The following WDFY2 variants were observed in gnomAD, a reference collection of about 807,000 sequenced individuals.
WDFY2 encodes the protein WD repeat and FYVE domain-containing protein 2.
Under a neutral mutation model 56.4 loss-of-function variants are expected in WDFY2, and 36 were observed. The ratio of observed to expected loss-of-function variants is 0.64; its 90% CI spans 0.49 to 0.84. The LOEUF is 0.84. Among genes scored for constraint, WDFY2 ranks in the 40% least tolerant of loss-of-function variants. WDFY2 has a pLI of 0.00. For synonymous variants in WDFY2, 176 were observed against 183.7 expected, an observed-to-expected ratio of 0.96 and a Z score of 0.34; for missense variants, 444 against 512.2, an observed-to-expected ratio of 0.87 and a Z score of 1.29.
chr13:51,678,311 T>C (rs1273519503), intron 3 of WDFY2, among the ~76,000 whole-genome samples: 1 of 152,196 alleles, frequency 6.6e-6, no homozygotes, highest in Non-Finnish European at 1.5e-5. Flanking sequence ...GTAGATCTTA[T>C]TGTGGCTCCT....
intron 4 of WDFY2, among the ~76,000 whole-genome samples, chr13:51,718,683 TGAAA>T (rs1240814839): frequency 6.6e-6 from 1 of 152,158 alleles, no homozygotes; most frequent in Non-Finnish European, 1.5e-5. Flanking sequence ...ATTTAATTTC[TGAAA>T]GAAAGTGTTC....
chr13:51,603,377 C>A (rs372632420), intron 1 of WDFY2, among the ~76,000 whole-genome samples: 2 of 152,150 alleles, frequency 1.3e-5, no homozygotes, highest in Non-Finnish European at 2.9e-5. Flanking sequence ...GGGCCTGGAG[C>A]AGCAGGAGCC....
intron 1 of WDFY2, among the ~76,000 whole-genome samples, chr13:51,626,414 A>G (rs926889888): frequency 3.3e-5 from 5 of 152,220 alleles, no homozygotes; most frequent in African/African-American, 1.2e-4. Flanking sequence ...GATTATACCA[A>G]CATACACAAA....
At chr13:51,692,194 T>C (rs1259132878) in intron 3 of WDFY2, among the ~76,000 whole-genome samples, 1 of 152,164 alleles carries the variant, frequency 6.6e-6, no homozygotes, top group East Asian at 1.9e-4. Flanking sequence ...TTTCCTTCTC[T>C]TGCCTAATTG....
intron 7 of WDFY2, among the ~76,000 whole-genome samples, chr13:51,739,646 T>C (rs1248778278): frequency 2.6e-5 from 4 of 152,232 alleles, no homozygotes; most frequent in African/African-American, 9.6e-5. Context: ...TTGCCTTGAT[T>C]CATGTCAGGC....
At chr13:51,718,072 A>G (rs1252967927) in intron 4 of WDFY2, among the ~76,000 whole-genome samples, 1 of 152,146 alleles carries the variant, frequency 6.6e-6, no homozygotes, top group Non-Finnish European at 1.5e-5. Flanking sequence ...GGCAGATGGT[A>G]TTATTATTGT....
intron 1 of WDFY2, among the ~76,000 whole-genome samples, chr13:51,626,709 A>G (rs1425510131): frequency 2.0e-5 from 3 of 152,216 alleles, no homozygotes; most frequent in East Asian, 1.9e-4. Flanking sequence ...AGTGTTTCAT[A>G]TCACATTACT....
rs1265461005 is a variant in WDFY2, at chr13:51,767,069, G to A, written c.*7300G>A. The stretch of plus-strand genomic sequence containing the variant: ...CTTGTGCTTAGTAAACTTTTCCAGT[G>A]AGGAGAAATGACTTCGGGGCAAACA... On this transcript the variant is annotated 3_prime_UTR_variant, in exon 12 of 12. Coordinates refer to ENST00000298125, the MANE Select transcript of WDFY2 (RefSeq NM_052950.4). 1 of 152,290 alleles carries A rather than the reference G, an allele frequency of 6.6e-6. No homozygotes were observed. Among genetic ancestry groups the A allele is most frequent in the African/African-American group, 2.4e-5 (1 of 41,468 alleles). The allele number at this position is 152,290 out of a possible 1,614,324, so 9.4% of individuals were successfully genotyped here.
At chr13:51,751,515 C>T in intron 8 of WDFY2, 100 bp downstream of exon 8, 1 of 1,121,442 alleles carries the variant, frequency 8.9e-7, no homozygotes, top group Non-Finnish European at 1.3e-6. Flanking sequence ...TGAAATAAGG[C>T]ATGTAACGTT....
chr13:51,712,889 CTT>C (rs1952255717), intron 4 of WDFY2, among the ~76,000 whole-genome samples: 1 of 151,992 alleles, frequency 6.6e-6, no homozygotes, highest in Non-Finnish European at 1.5e-5. Context: ...TTTTAAAAAT[CTT>C]TGAAAAATAC....
chr13:51,753,993 T>C (rs1953300671), intron 8 of WDFY2, among the ~76,000 whole-genome samples: 1 of 149,832 alleles, frequency 6.7e-6, no homozygotes, highest in African/African-American at 2.5e-5. Flanking sequence ...CTCAGGAGGC[T>C]GAGGCAGGAG....
At chr13:51,611,974 G>A (rs1406661611) in intron 1 of WDFY2, among the ~76,000 whole-genome samples, 3 of 152,160 alleles carry the variant, frequency 2.0e-5, no homozygotes, top group Non-Finnish European at 4.4e-5. Context: ...TGGCAGAAAA[G>A]AAATATGGAA....
chr13:51,725,771 G>A (rs1047327798), intron 5 of WDFY2, among the ~76,000 whole-genome samples: 13 of 151,100 alleles, frequency 8.6e-5, no homozygotes, highest in Non-Finnish European at 1.6e-4. Context: ...ATGGCTCACT[G>A]CAGCTTCAAT....
rs1326747395 is a variant in WDFY2 at position 51,766,056 on chromosome 13, T to C, written c.*6287T>C. ...AATGATTTGAAAAATGTTTCACATATACACTTTTTATCATTTTAGTGGATG... is the reference window on the plus strand; with the variant it reads ...AATGATTTGAAAAATGTTTCACATACACACTTTTTATCATTTTAGTGGATG... On this transcript the variant is annotated 3_prime_UTR_variant, in exon 12 of 12. Coordinates refer to ENST00000298125, the MANE Select transcript of WDFY2 (RefSeq NM_052950.4). 1 of 152,232 alleles carries C rather than the reference T, an allele frequency of 6.6e-6. No homozygotes were observed. Among genetic ancestry groups the C allele is most frequent in the Admixed American group, 6.5e-5 (1 of 15,286 alleles). 9.4% of individuals were successfully genotyped at this position (152,232 alleles called of 1,614,324 possible). A position where few individuals can be genotyped will look rare whatever the true frequency, so the allele number is the denominator to read the frequency against.
chr13:51,682,685 A>G (rs1955998972), intron 3 of WDFY2, among the ~76,000 whole-genome samples: 1 of 152,236 alleles, frequency 6.6e-6, no homozygotes, highest in East Asian at 1.9e-4. Context: ...TGTTATTAGG[A>G]CTATCTGATA....
chr13:51,664,519 G>A (rs1370433084), intron 2 of WDFY2, among the ~76,000 whole-genome samples: 1 of 152,186 alleles, frequency 6.6e-6, no homozygotes, highest in Non-Finnish European at 1.5e-5. Context: ...TCCTGATAAA[G>A]AGAAAGCCCA....
chr13:51,610,287 C>T (rs1161713053), intron 1 of WDFY2, among the ~76,000 whole-genome samples: 13 of 131,274 alleles, frequency 9.9e-5, no homozygotes, highest in Non-Finnish European at 1.8e-4. Context: ...TATCCCTTTT[C>T]GTTGATGATT....
intron 7 of WDFY2, among the ~76,000 whole-genome samples, chr13:51,742,650 T>C (rs1343278093): frequency 6.6e-6 from 1 of 152,222 alleles, no homozygotes; most frequent in Non-Finnish European, 1.5e-5. Flanking sequence ...TAATTTTTCT[T>C]TCTAATAGTG....
intron 4 of WDFY2, among the ~76,000 whole-genome samples, chr13:51,712,017 A>T (rs943385751): frequency 6.6e-6 from 1 of 152,226 alleles, no homozygotes; most frequent in South Asian, 2.1e-4. Context: ...ACTATTCACA[A>T]TAGCAAATAC....
Sources: gnomAD v4.1 joint callset for allele counts (sites outside exome capture counted in the v4.1 genomes callset) on GRCh38, gnomAD v4.1.1 for gene constraint, MANE v1.5 for transcripts, NCBI Gene and HGNC (gene_info 2026-07-23, HGNC 2026-07-21) for gene names.